VPS54: variants seen among roughly 807,000 people sequenced by gnomAD.
VPS54 encodes VPS54 subunit of GARP complex, also known as vacuolar protein sorting-associated protein 54.
Under a neutral mutation model 121.5 loss-of-function variants are expected in VPS54, and 45 were observed. That is an observed-to-expected ratio of 0.37 (90% CI 0.29 to 0.47). The LOEUF (loss-of-function observed/expected upper bound fraction) is 0.47. Ranked by LOEUF, VPS54 falls within the 20% of genes least tolerant of loss-of-function variation. The pLI, the probability that VPS54 is intolerant of heterozygous loss-of-function variation, is 0.99. For missense variants in VPS54, 1,090 were observed against 1,131.4 expected (o/e 0.96, Z 0.52); for synonymous variants, 371 against 385.8 (o/e 0.96, Z 0.45).
intron 1 of VPS54, among the ~76,000 whole-genome samples, chr2:64,004,564 G>C (rs1452409571): frequency 6.6e-6 from 1 of 152,152 alleles, no homozygotes; most frequent in African/African-American, 2.4e-5. Context: ...CATTACCTAT[G>C]AAATAGTCTC....
chr2:63,961,935 T>C, intron 7 of VPS54, 123 bp downstream of exon 7: 1 of 1,050,778 alleles, frequency 9.5e-7, no homozygotes, highest in Non-Finnish European at 1.3e-6. Context: ...AAACAAATGA[T>C]CAATCTGGAA....
In VPS54 at chr2:63,892,487, G is replaced by T. The variant is rs981581033; in HGVS notation, c.*943C>A. On this transcript the variant is annotated 3_prime_UTR_variant, in exon 23 of 23. Transcript: ENST00000272322. Reference sequence around the variant, plus strand: ...TTCTGTTTCTCCCTGGTCTTTGTTCGTATACACATCGAAAGTAACTTAAAA... The same window carrying T: ...TTCTGTTTCTCCCTGGTCTTTGTTCTTATACACATCGAAAGTAACTTAAAA... 1.3e-5 allele frequency: 2 copies of T among 152,486 alleles called. No individual in the cohort carries two copies. The allele number at this position is 152,486 out of a possible 1,614,324, so 9.4% of individuals were successfully genotyped here. A position where few individuals can be genotyped will look rare whatever the true frequency, so the allele number is the denominator to read the frequency against.
At chr2:63,987,631 A>G (rs1377712722) in intron 1 of VPS54, among the ~76,000 whole-genome samples, 1 of 152,078 alleles carries the variant, frequency 6.6e-6, no homozygotes, top group Non-Finnish European at 1.5e-5. Context: ...TGGACATTTT[A>G]ACAATATTGA....
intron 1 of VPS54, among the ~76,000 whole-genome samples, chr2:64,003,358 T>G (rs1436109201): frequency 2.0e-5 from 3 of 152,348 alleles, no homozygotes; most frequent in African/African-American, 7.2e-5. Flanking sequence ...AATCTCCTTA[T>G]AATTGTATGA....
intron 1 of VPS54, among the ~76,000 whole-genome samples, chr2:64,005,554 G>A (rs1436449073): frequency 6.6e-6 from 1 of 152,196 alleles, no homozygotes; most frequent in Non-Finnish European, 1.5e-5. Context: ...TAAATGTACT[G>A]TCCATACTGT....
At chr2:63,967,547 C>G (rs532465976) in intron 5 of VPS54, among the ~76,000 whole-genome samples, 4 of 151,494 alleles carry the variant, frequency 2.6e-5, no homozygotes, top group African/African-American at 9.7e-5. Flanking sequence ...GGCAAAACCC[C>G]GTCTCTTCTA....
intron 7 of VPS54, among the ~76,000 whole-genome samples, chr2:63,954,725 A>T (rs1229374076): frequency 1.3e-5 from 2 of 152,068 alleles, no homozygotes; most frequent in Non-Finnish European, 2.9e-5. Flanking sequence ...TAAAAAGTAA[A>T]ATTTAAAGCT....
chr2:63,912,851 A>G (rs942231293), intron 18 of VPS54, among the ~76,000 whole-genome samples, 190 bp from the exon 19 acceptor site: 2 of 152,238 alleles, frequency 1.3e-5, no homozygotes, highest in African/African-American at 4.8e-5. Context: ...GAATAATGTA[A>G]TGAACATGCT....
At chr2:63,959,258 AAACAC>A (rs1675640635) in intron 7 of VPS54, among the ~76,000 whole-genome samples, 1 of 152,226 alleles carries the variant, frequency 6.6e-6, no homozygotes, top group Non-Finnish European at 1.5e-5. Flanking sequence ...ATTTAAAACA[AAACAC>A]AAACAAAAGA....
intron 1 of VPS54, among the ~76,000 whole-genome samples, chr2:64,010,028 G>A (rs980874654): frequency 1.2e-4 from 18 of 152,022 alleles, no homozygotes; most frequent in Middle Eastern, 3.4e-3. Context: ...TTTCAGTAGA[G>A]ACGAAGTTTC....
intron 12 of VPS54, among the ~76,000 whole-genome samples, chr2:63,922,713 T>C (rs374911677): frequency 1.3e-5 from 2 of 152,190 alleles, no homozygotes; most frequent in South Asian, 2.1e-4. Context: ...GACATTTCTA[T>C]ATAAACAGTC....
Position 63,962,410 on chromosome 2 carries a change from T to A in VPS54, c.658A>T (p.Ile220Phe). 6.2e-7 allele frequency: 1 copy of A among 1,612,996 alleles called. No homozygotes were observed. The change falls in exon 7 of 23, where the codon ATT (isoleucine) becomes TTT (phenylalanine). Residue 220 changes from isoleucine to phenylalanine, a missense_variant. This residue lies in a region of VPS54 where 801 missense variants were observed against 757.0 expected (regional missense o/e 1.06). Transcript: ENST00000272322. ...SHYLDIVEVN[I>F]AHQISLRSEA... ...GAACGTAGAGAGATCTGGTGAGCAA[T>A]GTTTACTTCCACAATATCCAGATAA...
At position 64,006,178 on chromosome 2, in the gene VPS54, T is replaced by C. The variant is rs17028296; in HGVS notation, c.-21+12760A>G. 0.014 allele frequency among the ~76,000 whole-genome samples: 2,206 copies of C among 152,300 alleles called. 136 individuals carry two copies. In the East Asian group the frequency reaches 0.21, roughly 14 times the overall value. ...CCCAATACAAAGTCTAAGCATTCAATAAACTGCATGACTATTCAATGAACG... is the reference window on the plus strand; with the variant it reads ...CCCAATACAAAGTCTAAGCATTCAACAAACTGCATGACTATTCAATGAACG... On this transcript the variant is annotated intron_variant, in intron 1 of 22. Transcript: ENST00000272322.
chr2:63,936,981 C>T (rs573752830), intron 11 of VPS54, among the ~76,000 whole-genome samples: 2 of 152,100 alleles, frequency 1.3e-5, no homozygotes, highest in South Asian at 2.1e-4. Flanking sequence ...TGTCTTATAC[C>T]ACCTATAAAA....
At chr2:63,954,899 T>C (rs945410917) in intron 7 of VPS54, among the ~76,000 whole-genome samples, 2 of 151,966 alleles carry the variant, frequency 1.3e-5, no homozygotes, top group Admixed American at 6.6e-5. Context: ...TGGATAACTA[T>C]GGATCAAAAA....
chr2:63,980,163 A>G (rs540247286), intron 3 of VPS54, among the ~76,000 whole-genome samples: 91 of 152,252 alleles, frequency 6.0e-4, no homozygotes, highest in Non-Finnish European at 7.9e-4. Context: ...TAAAACTGTA[A>G]TGTCTTCTTG....
At chr2:63,991,913 C>G (rs145974787) in intron 1 of VPS54, among the ~76,000 whole-genome samples, 2 of 152,206 alleles carry the variant, frequency 1.3e-5, no homozygotes, top group Non-Finnish European at 2.9e-5. Context: ...TTGGGGCGGT[C>G]GATCTCTGTA....
chr2:63,941,110 T>A (rs974143935), intron 11 of VPS54, among the ~76,000 whole-genome samples: 2 of 152,364 alleles, frequency 1.3e-5, no homozygotes, highest in African/African-American at 4.8e-5. Flanking sequence ...GGATGTTAAC[T>A]AGTACATAAA....
chr2:63,954,311 G>T (rs903021554), intron 7 of VPS54, among the ~76,000 whole-genome samples: 3 of 151,932 alleles, frequency 2.0e-5, no homozygotes, highest in African/African-American at 4.8e-5. Context: ...TTTGAACATT[G>T]ATAAAAATTA....
Sources: allele counts gnomAD v4.1 joint callset (sites outside exome capture counted in the v4.1 genomes callset), GRCh38; gene constraint gnomAD v4.1.1; regional missense constraint gnomAD v4.1.1; transcripts MANE v1.5; gene names NCBI Gene and HGNC (gene_info 2026-07-23, HGNC 2026-07-21).